Variants in SHF observed in about 807,000 individuals in gnomAD.
The protein encoded by SHF is Src homology 2 domain containing F.
SHF carries 30 observed loss-of-function variants against 42.4 expected under a neutral mutation model. The ratio of observed to expected loss-of-function variants is 0.71; its 90% CI spans 0.53 to 0.96. SHF has a LOEUF of 0.96. Among genes scored for constraint, SHF ranks in the 40% least tolerant of loss-of-function variants. The pLI is 0.00. For missense variants in SHF, 598 were observed against 634.0 expected, an observed-to-expected ratio of 0.94 and a Z score of 0.61; for synonymous variants, 264 against 269.9, an observed-to-expected ratio of 0.98 and a Z score of 0.21.
chr15:45,195,278 G>A (rs190338469), intron 2 of SHF, among the ~76,000 whole-genome samples: 5 of 151,950 alleles, frequency 3.3e-5, no homozygotes, highest in South Asian at 2.1e-4. Flanking sequence ...TCCTAGTTTC[G>A]CATTATTTCC....
At chr15:45,198,688 G>T (rs980937131) in intron 2 of SHF, 3 of 1,505,960 alleles carry the variant, frequency 2.0e-6, no homozygotes, top group East Asian at 2.3e-5. Flanking sequence ...GAGCTACCGG[G>T]GACCCGTAGG....
chr15:45,193,540 AG>A (rs1305095135), intron 2 of SHF, among the ~76,000 whole-genome samples: 1 of 152,228 alleles, frequency 6.6e-6, no homozygotes, highest in African/African-American at 2.4e-5. Flanking sequence ...AGGAAACAAT[AG>A]GGCAGAGGAA....
chr15:45,188,967 A>C (rs1323735051), upstream of SHF, among the ~76,000 whole-genome samples: 2 of 152,052 alleles, frequency 1.3e-5, no homozygotes, highest in Non-Finnish European at 2.9e-5. Flanking sequence ...CCGAAACGGG[A>C]GGATCACGAG....
At chr15:45,199,221 G>T in intron 1 of SHF, 1 of 838,868 alleles carries the variant, frequency 1.2e-6, no homozygotes, top group Non-Finnish European at 1.8e-6. Flanking sequence ...TGACAGCCCT[G>T]ACTCCTCCTG....
chr15:45,200,848 G>A (rs1255961676), exon 1 of SHF: 1 of 456,302 alleles, frequency 2.2e-6, no homozygotes, highest in Non-Finnish European at 4.4e-6. Context: ...CATGGTGAGC[G>A]TCAGAGAGAC....
At chr15:45,189,986 T>G (rs1898669416), upstream of SHF, among the ~76,000 whole-genome samples, 1 of 152,184 alleles carries the variant, frequency 6.6e-6, no homozygotes, top group Non-Finnish European at 1.5e-5. Flanking sequence ...TGCTTGTATT[T>G]AGGACAGTGC....
At chr15:45,200,553 G>A in intron 1 of SHF, 1 of 366,220 alleles carries the variant, frequency 2.7e-6, no homozygotes. Context: ...CCGCCCCCTT[G>A]CAATGTCATT....
intron 2 of SHF, among the ~76,000 whole-genome samples, chr15:45,197,827 GAAAA>G (rs59128375): frequency 1.5e-4 from 20 of 133,612 alleles, no homozygotes; most frequent in Middle Eastern, 4.0e-3. Context: ...ATCACCTCAG[GAAAA>G]AAAAAAAAAA....
At chr15:45,192,020 T>G (rs1898720951), upstream of SHF, among the ~76,000 whole-genome samples, 1 of 152,114 alleles carries the variant, frequency 6.6e-6, no homozygotes, top group African/African-American at 2.4e-5. Context: ...TTTGCCTTAT[T>G]CCTCTCCTTT....
chr15:45,188,961 A>G (rs1482649403), upstream of SHF, among the ~76,000 whole-genome samples: 2 of 152,086 alleles, frequency 1.3e-5, no homozygotes, highest in Non-Finnish European at 2.9e-5. Context: ...GGGAGGCCGA[A>G]ACGGGAGGAT....
rs1306767999 is a variant in SHF at position 45,200,684 on chromosome 15, C to A, written c.-47+43G>T. Reference sequence around the variant, plus strand: ...CTTGCCTGCGCACCAGACACGGTGGCCGATTTCTCCACCGTGGAGGCTGCT... The same window carrying A: ...CTTGCCTGCGCACCAGACACGGTGGACGATTTCTCCACCGTGGAGGCTGCT... On this transcript the variant is annotated intron_variant, in intron 1 of 7. Transcript: ENST00000290894. The A allele has an allele frequency of 6.6e-6, 3 of 455,160 alleles. No homozygotes were observed. The East Asian group carries it at 2.1e-4, about 32-fold the overall frequency. 28.2% of individuals were successfully genotyped at this position (455,160 alleles called of 1,614,324 possible).
At chr15:45,185,286 C>T (rs941836935) in intron 1 of SHF, among the ~76,000 whole-genome samples, 21 of 152,204 alleles carry the variant, frequency 1.4e-4, no homozygotes, top group Non-Finnish European at 5.9e-5. Flanking sequence ...AGAAAGCGGC[C>T]ACATAGTACA....
intron 1 of SHF, chr15:45,199,133 TC>T: frequency 6.9e-7 from 1 of 1,459,846 alleles, no homozygotes; most frequent in Non-Finnish European, 9.1e-7. Context: ...AGAACCAGGT[TC>T]CACGTAGAAA....
At chr15:45,195,071 A>T (rs1898825863) in intron 2 of SHF, among the ~76,000 whole-genome samples, 1 of 151,970 alleles carries the variant, frequency 6.6e-6, no homozygotes, top group African/African-American at 2.4e-5. Context: ...AGTTCAAGTG[A>T]TCCTCCTGCC....
At chr15:45,171,292 C>T (rs1390882095) in intron 6 of SHF, 1 of 153,716 alleles carries the variant, frequency 6.5e-6, no homozygotes, top group Admixed American at 6.4e-5. Context: ...CTTGCCTCCT[C>T]TACGTCTTCC....
chr15:45,186,660 C>T lies in SHF; in HGVS notation c.498+794G>A, dbSNP rs546989233. On this transcript the variant is annotated intron_variant, in intron 1 of 6. Coordinates refer to ENST00000690270, the MANE Select transcript of SHF (RefSeq NM_001394037.1). ...CAGACCCAGGAAAAGCTCCAGCCTC[C>T]CTCAGAATGGACCAGGGGGAGAGGG... 2.6e-5 allele frequency among the ~76,000 whole-genome samples: 4 copies of T among 152,370 alleles called. No individual in the cohort carries two copies. The South Asian group carries it at 8.3e-4, about 32-fold the overall frequency.
intron 6 of SHF, chr15:45,170,398 A>G (rs1897412853): frequency 3.9e-6 from 5 of 1,288,536 alleles, no homozygotes; most frequent in Non-Finnish European, 5.1e-6. Flanking sequence ...CACATTTCTG[A>G]GGTTATGTAA....
Position 45,199,038 on chromosome 15 carries a change from AG to A in SHF, c.36del (p.Cys13ValfsTer26), listed in dbSNP as rs1490829391. ...GAACCCTCCAGGGTTCCGGTCCTAC[AG>A]GGGGCGCTCCTCACGGGTCCTCCCT... On this transcript the variant is annotated frameshift_variant, in exon 2 of 8. Transcript: ENST00000290894. LOFTEE classifies it high-confidence loss of function. 45 of 1,603,622 alleles carry A rather than the reference AG, an allele frequency of 2.8e-5. No homozygotes were observed. Among genetic ancestry groups the A allele is most frequent in the Non-Finnish European group, 3.7e-5 (44 of 1,174,238 alleles).
At chr15:45,170,848 C>T (rs1897449766) in intron 6 of SHF, 1 of 171,940 alleles carries the variant, frequency 5.8e-6, no homozygotes, top group Non-Finnish European at 1.2e-5. Flanking sequence ...GACGGGGTTT[C>T]ACCATGTTGG....
Sources: gnomAD v4.1 joint callset for allele counts (sites outside exome capture counted in the v4.1 genomes callset) on GRCh38, gnomAD v4.1.1 for gene constraint, MANE v1.5 for transcripts, NCBI Gene and HGNC (gene_info 2026-07-23, HGNC 2026-07-21) for gene names.